The following FAM163A variants were observed in gnomAD, a reference collection of about 807,000 sequenced individuals.
The protein encoded by FAM163A is family with sequence similarity 163 member A, also known as protein FAM163A.
Under a neutral mutation model 12.0 loss-of-function variants are expected in FAM163A, and 7 were observed. The observed-to-expected ratio is 0.58, with a 90% CI of 0.33 to 1.10. The LOEUF (loss-of-function observed/expected upper bound fraction) is 1.10. FAM163A is among the 50% of genes least tolerant of loss of function. The probability of loss-of-function intolerance (pLI) is 0.03; values close to 1 mark genes in which losing one functional copy is unlikely to be tolerated. For missense variants in FAM163A, 202 were observed against 218.6 expected, an observed-to-expected ratio of 0.92 and a Z score of 0.48; for synonymous variants, 101 against 91.0, an observed-to-expected ratio of 1.11 and a Z score of -0.62.
intron 2 of FAM163A, among the ~76,000 whole-genome samples, chr1:179,810,496 AGTT>A (rs1694563191): frequency 6.6e-6 from 1 of 152,136 alleles, no homozygotes; most frequent in African/African-American, 2.4e-5. Flanking sequence ...GATCCCTCGC[AGTT>A]CCTGGAACTG....
the FAM163A span, among the ~76,000 whole-genome samples, chr1:179,732,124 T>C: frequency 6.6e-6 from 1 of 152,246 alleles, no homozygotes; most frequent in Non-Finnish European, 1.5e-5. Flanking sequence ...ACAAATTCTA[T>C]TTTGTTAAAT....
intron 2 of FAM163A, among the ~76,000 whole-genome samples, chr1:179,811,095 A>T (rs761214144): frequency 6.6e-6 from 1 of 152,066 alleles, no homozygotes; most frequent in Non-Finnish European, 1.5e-5. Context: ...ACGTAAGCGG[A>T]AGAAAGGGAG....
At chr1:179,746,161 G>A (rs1416781411) in intron 1 of FAM163A, among the ~76,000 whole-genome samples, 1 of 152,192 alleles carries the variant, frequency 6.6e-6, no homozygotes, top group African/African-American at 2.4e-5. Flanking sequence ...ATTGCTGCTG[G>A]GAGAGTAAAT....
chr1:179,782,787 A>G (rs1163353927), intron 1 of FAM163A, among the ~76,000 whole-genome samples: 2 of 152,168 alleles, frequency 1.3e-5, no homozygotes, highest in Non-Finnish European at 2.9e-5. Flanking sequence ...AGCTGAGAAA[A>G]CTTGTCTGAG....
At chr1:179,761,880 A>G (rs1686868065) in intron 1 of FAM163A, among the ~76,000 whole-genome samples, 1 of 151,444 alleles carries the variant, frequency 6.6e-6, no homozygotes, top group Non-Finnish European at 1.5e-5. Flanking sequence ...CTTCCCTTTT[A>G]CCTCACAGCA....
At chr1:179,797,105 C>T (rs958668385) in intron 1 of FAM163A, among the ~76,000 whole-genome samples, 4 of 152,192 alleles carry the variant, frequency 2.6e-5, no homozygotes, top group Non-Finnish European at 4.4e-5. Flanking sequence ...CTCTCAGAGC[C>T]GTCGCAGGAC....
chr1:179,791,015 T>C (rs1022294379), intron 1 of FAM163A, among the ~76,000 whole-genome samples: 2 of 152,148 alleles, frequency 1.3e-5, no homozygotes, highest in African/African-American at 4.8e-5. Context: ...CAATAGTCCC[T>C]TTTAGGCCCA....
chr1:179,783,177 C>T (rs1435646932), intron 1 of FAM163A, among the ~76,000 whole-genome samples: 1 of 149,848 alleles, frequency 6.7e-6, no homozygotes, highest in African/African-American at 2.5e-5. Context: ...ATTCAAAATG[C>T]AGAATGCCAA....
rs1695282959 is a variant in FAM163A, at chr1:179,815,928, T to G, written c.*1739T>G. 6.6e-6 allele frequency: 1 copy of G among 152,250 alleles called. No homozygotes were observed. 9.4% of individuals were successfully genotyped at this position (152,250 alleles called of 1,614,324 possible). ...GTTGAGAAGCAGACCTGGGCTCTGG[T>G]CACACTTTGGTCACTCATTAGCTCT... On this transcript the variant is annotated 3_prime_UTR_variant, in exon 5 of 5. Coordinates refer to ENST00000341785, the MANE Select transcript of FAM163A (RefSeq NM_173509.3).
intron 1 of FAM163A, among the ~76,000 whole-genome samples, chr1:179,772,360 C>G (rs1283967838): frequency 6.6e-6 from 1 of 152,190 alleles, no homozygotes; most frequent in African/African-American, 2.4e-5. Flanking sequence ...TGTTACCTCC[C>G]CAGTCCTCCA....
rs148248983 is a variant in FAM163A, at chr1:179,798,263, T to C, written c.-135-9535T>C. ...AAGGCATGTGTTTAGATGTGAATGT[T>C]CCATTCCAGCTCTCTAAGTGAGGGT... On this transcript the variant is annotated intron_variant, in intron 1 of 4. Coordinates refer to ENST00000341785, the MANE Select transcript of FAM163A (RefSeq NM_173509.3). Among the ~76,000 whole-genome samples the C allele has an allele frequency of 9.6e-3, 1,457 of 152,296 alleles. 25 individuals carry two copies. Among genetic ancestry groups the C allele is most frequent in the African/African-American group, 0.033 (1,379 of 41,552 alleles).
chr1:179,745,080 T>G (rs981296325), intron 1 of FAM163A, among the ~76,000 whole-genome samples: 2 of 152,032 alleles, frequency 1.3e-5, no homozygotes, highest in Non-Finnish European at 2.9e-5. Flanking sequence ...CTTAGCCTTC[T>G]CTAGGGAGGT....
At chr1:179,789,334 A>T (rs956317778) in intron 1 of FAM163A, among the ~76,000 whole-genome samples, 6 of 152,144 alleles carry the variant, frequency 3.9e-5, no homozygotes, top group South Asian at 2.1e-4. Context: ...GGCACCTGCC[A>T]CCACACCCAG....
rs376402029 is a variant in FAM163A, at chr1:179,749,650, G to A, written c.-136+6227G>A. Among the ~76,000 whole-genome samples the A allele has an allele frequency of 3.6e-4, 55 of 152,220 alleles. No individual in the cohort carries two copies. The East Asian group carries it at 7.6e-3, about 21-fold the overall frequency. Reference sequence around the variant, plus strand: ...GCGGATTGCTTGAGGTCAGGAGTTCGAGACCAGTCTGGCCAACATGGTGAA... The same window carrying A: ...GCGGATTGCTTGAGGTCAGGAGTTCAAGACCAGTCTGGCCAACATGGTGAA... On this transcript the variant is annotated intron_variant, in intron 1 of 4. Coordinates refer to ENST00000341785, the MANE Select transcript of FAM163A (RefSeq NM_173509.3).
At chr1:179,731,141 G>A in the FAM163A span, among the ~76,000 whole-genome samples, 4 of 152,140 alleles carry the variant, frequency 2.6e-5, no homozygotes, top group African/African-American at 9.7e-5. Flanking sequence ...AAGGTTAATT[G>A]TGCTTTCTTC....
intron 1 of FAM163A, among the ~76,000 whole-genome samples, chr1:179,762,939 A>G (rs1007434770): frequency 6.6e-6 from 1 of 152,228 alleles, no homozygotes; most frequent in Non-Finnish European, 1.5e-5. Context: ...ACTCTCTGTA[A>G]CAAAAGACAA....
chr1:179,741,390 C>G (rs1177344920), upstream of FAM163A, among the ~76,000 whole-genome samples: 1 of 152,224 alleles, frequency 6.6e-6, no homozygotes, highest in South Asian at 2.1e-4. Context: ...TCTAATAAAA[C>G]TAAATATATG....
At chr1:179,731,193 TC>T in the FAM163A span, among the ~76,000 whole-genome samples, 2 of 152,146 alleles carry the variant, frequency 1.3e-5, no homozygotes, top group Non-Finnish European at 2.9e-5. Flanking sequence ...GAGTATACAG[TC>T]AGGGGACAAA....
In FAM163A at chr1:179,766,554, G is replaced by C. The variant is rs377319790; in HGVS notation, c.-136+23131G>C. Among the ~76,000 whole-genome samples the C allele has an allele frequency of 6.6e-5, 10 of 152,142 alleles. No homozygotes were observed. In the South Asian group the frequency reaches 2.1e-3, roughly 32 times the overall value. ...GTATCTTTGGGTCTTCATTCTGAAG[G>C]CTCCCAGATACACATGTTAAATAAA... On this transcript the variant is annotated intron_variant, in intron 1 of 4. Coordinates refer to ENST00000341785, the MANE Select transcript of FAM163A (RefSeq NM_173509.3).
Sources: gnomAD v4.1 joint callset for allele counts (sites outside exome capture counted in the v4.1 genomes callset) on GRCh38, gnomAD v4.1.1 for gene constraint, MANE v1.5 for transcripts, NCBI Gene and HGNC (gene_info 2026-07-23, HGNC 2026-07-21) for gene names.